Variants in EFR3B observed in about 807,000 individuals in gnomAD.
EFR3B encodes EFR3 homolog B, also known as protein EFR3 homolog B.
Under a neutral mutation model 104.7 loss-of-function variants are expected in EFR3B, and 64 were observed. That is an observed-to-expected ratio of 0.61 (90% CI 0.50 to 0.75). The LOEUF (loss-of-function observed/expected upper bound fraction) is 0.75. Among genes scored for constraint, EFR3B ranks in the 30% least tolerant of loss-of-function variants. The probability of loss-of-function intolerance (pLI) is 0.00; values close to 1 mark genes in which losing one functional copy is unlikely to be tolerated. For missense variants in EFR3B, 750 were observed against 1,078.5 expected (o/e 0.70, Z 4.27); for synonymous variants, 385 against 417.9 (o/e 0.92, Z 0.96).
chr2:25,143,930 A>G (rs773509498), intron 18 of EFR3B, 68 bp downstream of exon 18: 2 of 1,512,750 alleles, frequency 1.3e-6, no homozygotes, highest in Admixed American at 2.1e-5. Context: ...GGGCCTGAGC[A>G]TAAGGGACTT....
In EFR3B at chr2:25,060,013, A is replaced by C. The variant is rs969902778; in HGVS notation, c.7+17694A>C. Among the ~76,000 whole-genome samples the C allele has an allele frequency of 4.6e-5, 7 of 152,080 alleles. No homozygotes were observed. In the East Asian group the frequency reaches 9.7e-4, roughly 21 times the overall value. On this transcript the variant is annotated intron_variant, in intron 1 of 22. Coordinates refer to ENST00000403714, the MANE Select transcript of EFR3B (RefSeq NM_014971.2). ...GGAATTCGAGACCAGCCCGGCCAAC[A>C]TGGTGAAACCCCATCTCTACTAAAA... is the stretch of plus-strand genomic sequence containing the variant.
At chr2:25,088,665 G>A (rs1013079932) in intron 1 of EFR3B, among the ~76,000 whole-genome samples, 1 of 152,246 alleles carries the variant, frequency 6.6e-6, no homozygotes, top group South Asian at 2.1e-4. Flanking sequence ...TCTTCTACCA[G>A]CCATGTGGGA....
At chr2:25,055,132 CTT>C (rs1558582795) in intron 1 of EFR3B, among the ~76,000 whole-genome samples, 1 of 152,214 alleles carries the variant, frequency 6.6e-6, no homozygotes, top group Admixed American at 6.5e-5. Flanking sequence ...AGTTCAATAA[CTT>C]ACCCAATGTC....
rs1446660880 is a variant in EFR3B at position 25,158,649 on chromosome 2, G to A, written c.*4309G>A. Reference sequence around the variant, plus strand: ...CTGCTGGGGCCAAAGGCAGTTTTCTGTGCTCCCTTTAGCCCCAGCCTGGCT... The same window carrying A: ...CTGCTGGGGCCAAAGGCAGTTTTCTATGCTCCCTTTAGCCCCAGCCTGGCT... On this transcript the variant is annotated 3_prime_UTR_variant, in exon 23 of 23. Coordinates refer to ENST00000403714, the MANE Select transcript of EFR3B (RefSeq NM_014971.2). 6.6e-6 allele frequency: 1 copy of A among 152,282 alleles called. No homozygotes were observed. The highest frequency in any genetic ancestry group is 1.5e-5 in the Non-Finnish European group (1 of 68,096). 9.4% of individuals were successfully genotyped at this position (152,282 alleles called of 1,614,324 possible).
intron 1 of EFR3B, among the ~76,000 whole-genome samples, chr2:25,066,390 T>G (rs536815763): frequency 6.6e-6 from 1 of 152,230 alleles, no homozygotes; most frequent in South Asian, 2.1e-4. Flanking sequence ...GCCTTTCACC[T>G]TCGGTCCCCT....
At chr2:25,049,506 G>A (rs1208263617) in intron 1 of EFR3B, among the ~76,000 whole-genome samples, 1 of 152,176 alleles carries the variant, frequency 6.6e-6, no homozygotes, top group Admixed American at 6.5e-5. Context: ...TATAAAACAT[G>A]CAAACAATTA....
At chr2:25,082,971 AG>A (rs759028637) in intron 1 of EFR3B, among the ~76,000 whole-genome samples, 9 of 152,190 alleles carry the variant, frequency 5.9e-5, no homozygotes, top group African/African-American at 2.2e-4. Flanking sequence ...CATTCTGGAC[AG>A]GGGGTTTGGG....
chr2:25,151,684 A>G (rs1024518293), intron 20 of EFR3B, among the ~76,000 whole-genome samples: 2 of 152,246 alleles, frequency 1.3e-5, no homozygotes, highest in African/African-American at 4.8e-5. Context: ...GGCCTCCCAC[A>G]TAGTTCTCAA....
rs367803055 is a variant in EFR3B, at chr2:25,149,880, T to C, written c.2191+138T>C. On this transcript the variant is annotated intron_variant, in intron 20 of 22. Transcript: ENST00000403714. ...GCGTGAAGGGAGAGGCTGGTGTCTTTTGACAAACTCATCACAGCCACCAAA... is the reference window on the plus strand; with the variant it reads ...GCGTGAAGGGAGAGGCTGGTGTCTTCTGACAAACTCATCACAGCCACCAAA... 4.6e-3 allele frequency: 3,727 copies of C among 808,346 alleles called. 50 individuals carry two copies. The highest frequency in any genetic ancestry group is 0.026 in the South Asian group (1,736 of 66,856). 50.1% of individuals were successfully genotyped at this position (808,346 alleles called of 1,614,324 possible).
chr2:25,064,521 C>T lies in EFR3B; in HGVS notation c.7+22202C>T, dbSNP rs542968543. ...GGGAAAGCATGAATGTGTTGTAAAG[C>T]CCAAATCCTGATTTCTAACACTATT... is the stretch of plus-strand genomic sequence containing the variant. On this transcript the variant is annotated intron_variant, in intron 1 of 22. Coordinates refer to ENST00000403714, the MANE Select transcript of EFR3B (RefSeq NM_014971.2). Among the ~76,000 whole-genome samples, 137 of 152,280 alleles carry T rather than the reference C, an allele frequency of 9.0e-4. 1 individual carries two copies. The highest frequency in any genetic ancestry group is 3.2e-3 in the African/African-American group (132 of 41,550).
At chr2:25,074,768 C>T (rs1244720485) in intron 1 of EFR3B, among the ~76,000 whole-genome samples, 1 of 151,618 alleles carries the variant, frequency 6.6e-6, no homozygotes, top group South Asian at 2.1e-4. Context: ...CAGGTGCATG[C>T]ACCACATTAG....
At position 25,151,983 on chromosome 2, in the gene EFR3B, C is replaced by T. The variant is rs1224655446; in HGVS notation, c.2261C>T (p.Ala754Val). Residue 754 changes from alanine (A) to valine (V), a missense_variant, in exon 21 of 23, where the codon GCA becomes GTA. Physicochemically the swap from Ala to Val is moderately conservative, Grantham distance 64 (BLOSUM62 0). Coordinates refer to ENST00000403714, the MANE Select transcript of EFR3B (RefSeq NM_014971.2). ...RRQVVEKFQK[A>V]PFEEIAAHCG... ...CAGGTGGTGGAGAAGTTCCAGAAGG[C>T]ACCCTTCGAGGAGATTGCTGCACAC... is the stretch of plus-strand genomic sequence containing the variant. The T allele has an allele frequency of 6.4e-7, 1 of 1,551,732 alleles. No individual in the cohort carries two copies. Among genetic ancestry groups the T allele is most frequent in the Non-Finnish European group, 8.7e-7 (1 of 1,147,006 alleles).
chr2:25,138,158 C>G (rs954118515), intron 15 of EFR3B, among the ~76,000 whole-genome samples: 4 of 152,106 alleles, frequency 2.6e-5, no homozygotes, highest in African/African-American at 7.2e-5. Flanking sequence ...GGCAACAGAG[C>G]AAGACTCCAT....
chr2:25,111,527 C>T (rs1472808540), intron 4 of EFR3B, among the ~76,000 whole-genome samples: 1 of 152,192 alleles, frequency 6.6e-6, no homozygotes, highest in African/African-American at 2.4e-5. Flanking sequence ...ATGATGCCCC[C>T]ATCCCACGGT....
chr2:25,063,376 ATC>A (rs1668250115), intron 1 of EFR3B, among the ~76,000 whole-genome samples: 2 of 152,106 alleles, frequency 1.3e-5, no homozygotes, highest in African/African-American at 4.8e-5. Context: ...GGCTTGTGAC[ATC>A]TCTGTATAAG....
chr2:25,136,410 G>T lies in EFR3B; in HGVS notation c.1485-113G>T. 2.6e-6 allele frequency: 2 copies of T among 765,210 alleles called. No individual in the cohort carries two copies. Among genetic ancestry groups the T allele is most frequent in the Non-Finnish European group, 4.3e-6 (2 of 470,354 alleles). The allele number at this position is 765,210 out of a possible 1,614,324, so 47.4% of individuals were successfully genotyped here. A position where few individuals can be genotyped will look rare whatever the true frequency, so the allele number is the denominator to read the frequency against. ...CGGGCTGAGAACCAGGGCCAGGGGA[G>T]CACTGGAGGCTTTGTACCAACTAAC... On this transcript the variant is annotated intron_variant, in intron 13 of 22. Coordinates refer to ENST00000403714, the MANE Select transcript of EFR3B (RefSeq NM_014971.2). The surrounding 1 kb of genome is among the most constrained non-coding windows in gnomAD (Gnocchi z 4.0).
chr2:25,151,935 A>T lies in EFR3B; in HGVS notation c.2213A>T (p.Glu738Val). ...GAAGTGGACAGCGTAGCAGTGGAGG[A>T]GCAGGAGCGTGAGCGGCGGCGGCAG... Reference protein sequence around the residue: ...KAIVDSVAVEEQERERRRQVV... With the variant: ...KAIVDSVAVEVQERERRRQVV... Residue 738 changes from glutamate (E) to valine (V), a missense_variant, in exon 21 of 23, where the codon GAG becomes GTG. Physicochemically the swap from Glu to Val is moderately radical, Grantham distance 121 (BLOSUM62 -2). Transcript: ENST00000403714. The T allele has an allele frequency of 6.4e-7, 1 of 1,551,718 alleles. No individual in the cohort carries two copies. The highest frequency in any genetic ancestry group is 8.7e-7 in the Non-Finnish European group (1 of 1,146,994).
intron 3 of EFR3B, among the ~76,000 whole-genome samples, chr2:25,101,001 T>C (rs990353839): frequency 1.4e-4 from 21 of 152,232 alleles, no homozygotes; most frequent in African/African-American, 4.6e-4. Context: ...TTGCTTTGGA[T>C]TGCTCAGAAT....
intron 1 of EFR3B, among the ~76,000 whole-genome samples, chr2:25,061,265 C>T (rs528278974): frequency 6.6e-6 from 1 of 151,794 alleles, no homozygotes; most frequent in East Asian, 2.0e-4. Flanking sequence ...CTCCGTGTGC[C>T]ACCACGTCCA....
Sources: allele counts gnomAD v4.1 joint callset (sites outside exome capture counted in the v4.1 genomes callset), GRCh38; gene constraint gnomAD v4.1.1; non-coding constraint Gnocchi (gnomAD v3.1); transcripts MANE v1.5; gene names NCBI Gene and HGNC (gene_info 2026-07-23, HGNC 2026-07-21).